The following LIMCH1 variants were observed in gnomAD, a reference collection of about 807,000 sequenced individuals.
The protein encoded by LIMCH1 is LIM and calponin homology domains-containing protein 1.
Under a neutral mutation model 176.5 loss-of-function variants are expected in LIMCH1, and 113 were observed. The ratio of observed to expected loss-of-function variants is 0.64; its 90% CI spans 0.55 to 0.75. The LOEUF is 0.75. Ranked by LOEUF, LIMCH1 falls within the 30% of genes least tolerant of loss-of-function variation. LIMCH1 has a pLI of 0.00. For missense variants in LIMCH1, 1,674 were observed against 1,814.9 expected (o/e 0.92, Z 1.41); for synonymous variants, 619 against 645.9 (o/e 0.96, Z 0.63).
rs1716711809 is a variant in LIMCH1 at position 41,682,395 on chromosome 4, C to T, written c.3780C>T (p.Phe1260=). Residue 1260 remains phenylalanine (F), a synonymous_variant, in exon 26 of 32, where the codon TTC becomes TTT. Coordinates refer to ENST00000503057, the MANE Select transcript of LIMCH1 (RefSeq NM_001330672.2). The part of the protein sequence containing the change: ...EKQDRRWKKS[F]QGDDSDLLLK... The stretch of plus-strand genomic sequence containing the variant: ...AAGACAGAAGATGGAAGAAATCATT[C>T]CAGGGAGATGACAGTGACTTATTGC... 3 of 1,612,742 alleles carry T rather than the reference C, an allele frequency of 1.9e-6. No homozygotes were observed. The highest frequency in any genetic ancestry group is 2.2e-5 in the East Asian group (1 of 44,808).
intron 2 of LIMCH1, among the ~76,000 whole-genome samples, chr4:41,513,320 G>GC (rs1306043211): frequency 6.6e-6 from 1 of 152,122 alleles, no homozygotes; most frequent in Non-Finnish European, 1.5e-5. Flanking sequence ...TGATTTTCCT[G>GC]CCAGAGCCTC....
At chr4:41,616,232 G>T (rs1374113702) in intron 5 of LIMCH1, among the ~76,000 whole-genome samples, 1 of 151,958 alleles carries the variant, frequency 6.6e-6, no homozygotes, top group Non-Finnish European at 1.5e-5. Context: ...AAAAGCGAAG[G>T]GTTGGGGGTG....
At chr4:41,529,079 T>G (rs2076982512) in intron 3 of LIMCH1, among the ~76,000 whole-genome samples, 1 of 151,116 alleles carries the variant, frequency 6.6e-6, no homozygotes, top group Non-Finnish European at 1.5e-5. Context: ...AGAGAGAAAG[T>G]CCTCAAATTT....
intron 1 of LIMCH1, among the ~76,000 whole-genome samples, chr4:41,544,835 C>T (rs1380088984): frequency 6.6e-6 from 1 of 152,174 alleles, no homozygotes. Flanking sequence ...CTGCTGAGGA[C>T]TACACAAGAT....
At chr4:41,378,438 T>C (rs566999658) in intron 1 of LIMCH1, among the ~76,000 whole-genome samples, 10 of 152,348 alleles carry the variant, frequency 6.6e-5, no homozygotes, top group Admixed American at 1.3e-4. Context: ...ATTAAATAAA[T>C]TAATATACTC....
chr4:41,361,072 C>T, intron 1 of LIMCH1: 3 of 547,450 alleles, frequency 5.5e-6, no homozygotes, highest in East Asian at 3.5e-5. Flanking sequence ...CAGGTCACCC[C>T]CCCGGGCCTC....
At chr4:41,569,241 G>A (rs901676562) in intron 1 of LIMCH1, among the ~76,000 whole-genome samples, 1 of 152,112 alleles carries the variant, frequency 6.6e-6, no homozygotes, top group African/African-American at 2.4e-5. Flanking sequence ...TGAAGACTTC[G>A]GTCTGTGGCA....
chr4:41,382,193 C>T (rs1457402696), intron 1 of LIMCH1, among the ~76,000 whole-genome samples: 2 of 152,118 alleles, frequency 1.3e-5, no homozygotes, highest in Non-Finnish European at 2.9e-5. Flanking sequence ...ATACAGTGAT[C>T]AAAAACATGG....
At chr4:41,633,426 T>C in intron 12 of LIMCH1, 122 bp from the exon 13 acceptor site, 1 of 1,173,044 alleles carries the variant, frequency 8.5e-7, no homozygotes, top group Non-Finnish European at 1.2e-6. Flanking sequence ...AGCTGCTCTG[T>C]GTGCCGCTGC....
At chr4:41,454,975 TG>T (rs2064383215) in intron 1 of LIMCH1, among the ~76,000 whole-genome samples, 1 of 150,390 alleles carries the variant, frequency 6.6e-6, no homozygotes, top group Admixed American at 6.6e-5. Flanking sequence ...TGTGTGTGTG[TG>T]TGTTTGTGTG....
exon 3 of LIMCH1, chr4:41,524,418 T>C: frequency 6.2e-7 from 1 of 1,613,844 alleles, no homozygotes; most frequent in Non-Finnish European, 8.5e-7. Flanking sequence ...GGTTGCTGAA[T>C]GCTATAAAGC....
intron 1 of LIMCH1, chr4:41,551,217 G>A (rs564993128): frequency 6.6e-6 from 1 of 152,238 alleles, no homozygotes; most frequent in African/African-American, 2.4e-5. Context: ...GACTGTGAGG[G>A]GAAATATGTC....
At chr4:41,534,692 G>A (rs1402780851), upstream of LIMCH1, among the ~76,000 whole-genome samples, 2 of 149,796 alleles carry the variant, frequency 1.3e-5, no homozygotes, top group Non-Finnish European at 3.0e-5. Context: ...CAGTATAAAT[G>A]AAGACATATT....
At chr4:41,574,098 T>C (rs76485518) in intron 1 of LIMCH1, among the ~76,000 whole-genome samples, 5,497 of 152,144 alleles carry the variant, frequency 0.036, 356 homozygotes, top group African/African-American at 0.13. Context: ...TTGAACTAGG[T>C]TTATTCCAGG....
intron 1 of LIMCH1, among the ~76,000 whole-genome samples, chr4:41,548,437 A>C (rs2079905847): frequency 6.6e-6 from 1 of 152,108 alleles, no homozygotes; most frequent in Non-Finnish European, 1.5e-5. Context: ...GCTCCACCAA[A>C]AACCTTACTA....
Position 41,629,260 on chromosome 4 carries a change from G to A in LIMCH1, c.1029-232G>A, listed in dbSNP as rs376660480. 7.9e-5 allele frequency among the ~76,000 whole-genome samples: 12 copies of A among 152,310 alleles called. No individual in the cohort carries two copies. In the East Asian group the frequency reaches 1.5e-3, roughly 20 times the overall value. On this transcript the variant is annotated intron_variant, in intron 8 of 31. Coordinates refer to ENST00000503057, the MANE Select transcript of LIMCH1 (RefSeq NM_001330672.2). ...CTTTTCCTAAACTGTAGTTGAGACT[G>A]TCATCTGGAAGGGGAAAAAAACCTC...
chr4:41,387,779 A>C (rs1423068828), intron 1 of LIMCH1, among the ~76,000 whole-genome samples: 1 of 152,226 alleles, frequency 6.6e-6, no homozygotes, highest in African/African-American at 2.4e-5. Context: ...CTATTTCACA[A>C]ATTTTGCCAG....
intron 2 of LIMCH1, among the ~76,000 whole-genome samples, chr4:41,516,847 A>G (rs956546462): frequency 2.0e-5 from 3 of 152,236 alleles, no homozygotes; most frequent in African/African-American, 7.2e-5. Context: ...CTGCCATCCC[A>G]GCAAGATCCG....
intron 1 of LIMCH1, among the ~76,000 whole-genome samples, chr4:41,475,270 C>T (rs1032799764): frequency 2.0e-5 from 3 of 152,162 alleles, no homozygotes; most frequent in Non-Finnish European, 4.4e-5. Flanking sequence ...TAGTTACATG[C>T]TTTGTTTTCA....
Sources: gnomAD v4.1 joint callset for allele counts (sites outside exome capture counted in the v4.1 genomes callset) on GRCh38, gnomAD v4.1.1 for gene constraint, MANE v1.5 for transcripts, NCBI Gene and HGNC (gene_info 2026-07-23, HGNC 2026-07-21) for gene names.